The following OR51B5 variants were observed in gnomAD, a reference collection of about 807,000 sequenced individuals.
OR51B5 encodes olfactory receptor 51B5.
For missense variants in OR51B5, 456 were observed against 374.6 expected, an observed-to-expected ratio of 1.22 and a Z score of -1.79; for synonymous variants, 186 against 144.8, an observed-to-expected ratio of 1.28 and a Z score of -2.04.
At chr11:5,462,795 A>T (rs1456044268) in intron 1 of OR51B5, among the ~76,000 whole-genome samples, 2 of 152,210 alleles carry the variant, frequency 1.3e-5, no homozygotes, top group African/African-American at 4.8e-5. Context: ...AGGTGCTTGT[A>T]CATTTGAACA....
intron 1 of OR51B5, chr11:5,390,052 T>C: frequency 6.2e-7 from 1 of 1,613,726 alleles, no homozygotes; most frequent in Non-Finnish European, 8.5e-7. Flanking sequence ...TAGTTTTCAC[T>C]GTGATGCTGG....
At chr11:5,343,988 G>T (rs1428981005), upstream of OR51B5, among the ~76,000 whole-genome samples, 2 of 152,154 alleles carry the variant, frequency 1.3e-5, no homozygotes, top group Non-Finnish European at 2.9e-5. Flanking sequence ...TGCATGTAAA[G>T]ACTTACCTGA....
At chr11:5,457,997 T>C (rs1850986084) in intron 1 of OR51B5, among the ~76,000 whole-genome samples, 1 of 152,186 alleles carries the variant, frequency 6.6e-6, no homozygotes, top group African/African-American at 2.4e-5. Flanking sequence ...TTTTGTTTTG[T>C]TGCAACGGCT....
chr11:5,499,285 T>A (rs2736545), intron 1 of OR51B5, among the ~76,000 whole-genome samples: 4 of 150,592 alleles, frequency 2.7e-5, no homozygotes, highest in African/African-American at 7.3e-5. Context: ...GGTTACTCTT[T>A]GACCTATTTC....
chr11:5,477,045 G>A (rs568947982), intron 1 of OR51B5, among the ~76,000 whole-genome samples: 3 of 152,172 alleles, frequency 2.0e-5, no homozygotes, highest in Non-Finnish European at 4.4e-5. Context: ...TGTGCCGAGA[G>A]GGTAGATCTT....
At chr11:5,459,382 A>G (rs1851012665) in intron 1 of OR51B5, among the ~76,000 whole-genome samples, 1 of 152,068 alleles carries the variant, frequency 6.6e-6, no homozygotes, top group South Asian at 2.1e-4. Flanking sequence ...GATTTTTTTC[A>G]TCTATTTTTA....
intron 1 of OR51B5, chr11:5,423,072 C>T (rs1850381256): frequency 6.2e-7 from 1 of 1,614,070 alleles, no homozygotes. Flanking sequence ...GTGATGAACC[C>T]CATCATTTAC....
chr11:5,341,704 A>G (rs1362081001), downstream of OR51B5, among the ~76,000 whole-genome samples: 1 of 152,064 alleles, frequency 6.6e-6, no homozygotes, highest in Non-Finnish European at 1.5e-5. Context: ...AAATGCAGAA[A>G]CCTATTTTTT....
At chr11:5,354,195 G>A (rs1849150683) in intron 1 of OR51B5, among the ~76,000 whole-genome samples, 2 of 152,166 alleles carry the variant, frequency 1.3e-5, no homozygotes, top group Admixed American at 6.5e-5. Context: ...TGTCTTCCAA[G>A]ATATGGGCAA....
At chr11:5,428,608 T>C (rs1850485785) in intron 1 of OR51B5, among the ~76,000 whole-genome samples, 1 of 152,212 alleles carries the variant, frequency 6.6e-6, no homozygotes, top group Non-Finnish European at 1.5e-5. Flanking sequence ...ATTGGATGAC[T>C]ACTGTTGTAA....
intron 1 of OR51B5, among the ~76,000 whole-genome samples, chr11:5,483,551 A>G (rs1288004048): frequency 7.8e-6 from 1 of 128,792 alleles, no homozygotes; most frequent in African/African-American, 3.3e-5. Context: ...TAGAAAGTAC[A>G]GCTAAAAAAA....
intron 1 of OR51B5, among the ~76,000 whole-genome samples, chr11:5,359,924 G>A (rs1353890554): frequency 1.3e-5 from 2 of 152,178 alleles, no homozygotes; most frequent in Non-Finnish European, 2.9e-5. Context: ...ATGGTGCTGG[G>A]AAAACTGGCT....
In OR51B5 at chr11:5,390,295, TAACCC is replaced by T. The variant is rs768484420; in HGVS notation, n.85-43390_85-43386del. 120 of 1,613,908 alleles carry T rather than the reference TAACCC, an allele frequency of 7.4e-5. No individual in the cohort carries two copies. The South Asian group carries it at 1.3e-3, about 17-fold the overall frequency. ...TCTACCTTTTTGTGCCTCCCATGCT[TAACCC>T]AATCATATACAGCATTAAGACCAAG... is the stretch of plus-strand genomic sequence containing the variant. On this transcript the variant is annotated intron_variant and non_coding_transcript_variant, in intron 1 of 4. Transcript: ENST00000415970.
At chr11:5,473,870 T>A (rs1851266104) in intron 1 of OR51B5, among the ~76,000 whole-genome samples, 1 of 151,932 alleles carries the variant, frequency 6.6e-6, no homozygotes, top group African/African-American at 2.4e-5. Flanking sequence ...TGTGTGTGTG[T>A]GTGTGTGTGT....
At chr11:5,470,876 C>T (rs753573948) in intron 1 of OR51B5, among the ~76,000 whole-genome samples, 2 of 152,166 alleles carry the variant, frequency 1.3e-5, no homozygotes, top group Non-Finnish European at 2.9e-5. Context: ...AGTATCATGC[C>T]TCTGTCTAAT....
At chr11:5,347,530 G>C (rs1436136195), upstream of OR51B5, among the ~76,000 whole-genome samples, 3 of 152,200 alleles carry the variant, frequency 2.0e-5, no homozygotes, top group South Asian at 4.1e-4. Flanking sequence ...ATCACTTTGT[G>C]ATGGCAATTA....
At chr11:5,378,382 A>G (rs1000364594) in intron 1 of OR51B5, among the ~76,000 whole-genome samples, 1 of 152,172 alleles carries the variant, frequency 6.6e-6, no homozygotes, top group African/African-American at 2.4e-5. Context: ...AGGCATTACC[A>G]TTCAGGACAT....
chr11:5,442,958 C>T (rs1850713172), intron 1 of OR51B5, among the ~76,000 whole-genome samples: 1 of 152,130 alleles, frequency 6.6e-6, no homozygotes, highest in Admixed American at 6.6e-5. Flanking sequence ...AATTGTATTT[C>T]TTCCTTGGCT....
chr11:5,489,680 G>A, intron 1 of OR51B5: 6 of 1,560,360 alleles, frequency 3.8e-6, no homozygotes, highest in Admixed American at 3.6e-5. Context: ...AGCAGAAGTT[G>A]GAGATTTAAA....
Sources: allele counts gnomAD v4.1 joint callset (sites outside exome capture counted in the v4.1 genomes callset), GRCh38; gene constraint gnomAD v4.1.1; transcripts MANE v1.5; gene names NCBI Gene and HGNC (gene_info 2026-07-23, HGNC 2026-07-21).